The following ABHD12 variants were observed in gnomAD, a reference collection of about 807,000 sequenced individuals.
ABHD12 encodes the protein abhydrolase domain containing 12, lysophospholipase.
A neutral mutation model predicts 58.3 loss-of-function variants in ABHD12; 43 were observed. The ratio of observed to expected loss-of-function variants is 0.74; its 90% CI spans 0.58 to 0.95. The LOEUF (loss-of-function observed/expected upper bound fraction) is 0.95. Ranked by LOEUF, ABHD12 falls within the 40% of genes least tolerant of loss-of-function variation. The probability of loss-of-function intolerance (pLI) is 0.00; values close to 1 mark genes in which losing one functional copy is unlikely to be tolerated. For missense variants in ABHD12, 539 were observed against 537.2 expected (o/e 1.00, Z -0.03); for synonymous variants, 219 against 211.2 (o/e 1.04, Z -0.32).
At position 25,309,241 on chromosome 20, in the gene ABHD12, G is replaced by A. The variant is rs111938438; in HGVS notation, c.749+205C>T. 0.021 allele frequency among the ~76,000 whole-genome samples: 3,169 copies of A among 152,272 alleles called. 101 individuals carry two copies. Among genetic ancestry groups the A allele is most frequent in the African/African-American group, 0.072 (2,971 of 41,542 alleles). ...CCTCCACTGCCTATGTCTGTCCTGA[G>A]CCACTTCCTGGACGAGGAGCTCAGA... is the stretch of plus-strand genomic sequence containing the variant. On this transcript the variant is annotated intron_variant, in intron 7 of 12. Coordinates refer to ENST00000339157, the MANE Select transcript of ABHD12 (RefSeq NM_001042472.3).
intron 1 of ABHD12, among the ~76,000 whole-genome samples, chr20:25,346,392 A>G (rs1234758571): frequency 6.6e-5 from 10 of 152,256 alleles, no homozygotes; most frequent in Admixed American, 6.5e-4. Flanking sequence ...TACAATGGTA[A>G]ATAAGTATTA....
intron 1 of ABHD12, among the ~76,000 whole-genome samples, chr20:25,359,196 T>C (rs1057002943): frequency 6.8e-6 from 1 of 147,656 alleles, no homozygotes; most frequent in Non-Finnish European, 1.5e-5. Context: ...CCGAGGCGGG[T>C]GGATCACGAG....
At chr20:25,312,981 C>T (rs1163336329) in intron 6 of ABHD12, among the ~76,000 whole-genome samples, 5 of 150,460 alleles carry the variant, frequency 3.3e-5, no homozygotes, top group Admixed American at 6.6e-5. Flanking sequence ...AGCCCCCGAC[C>T]GGCCAGCCAC....
At chr20:25,383,730 C>T (rs537202517) in intron 1 of ABHD12, among the ~76,000 whole-genome samples, 3 of 152,086 alleles carry the variant, frequency 2.0e-5, no homozygotes, top group Non-Finnish European at 2.9e-5. Context: ...CCAAGGTGGG[C>T]GGATCATGAG....
At chr20:25,374,746 C>T (rs1034786952) in intron 1 of ABHD12, among the ~76,000 whole-genome samples, 5 of 152,052 alleles carry the variant, frequency 3.3e-5, no homozygotes, top group African/African-American at 4.8e-5. Context: ...GTGATCCTCC[C>T]GCCTCGGCCT....
chr20:25,381,117 C>T (rs930931020), intron 1 of ABHD12, among the ~76,000 whole-genome samples: 5 of 152,298 alleles, frequency 3.3e-5, no homozygotes, highest in South Asian at 4.1e-4. Context: ...GCAGTCTGTG[C>T]TTGTCACACA....
intron 5 of ABHD12, among the ~76,000 whole-genome samples, chr20:25,315,987 G>C (rs1486403706): frequency 6.6e-6 from 1 of 152,144 alleles, no homozygotes; most frequent in African/African-American, 2.4e-5. Context: ...AAGCAACCAA[G>C]CACAAGTGAA....
intron 1 of ABHD12, among the ~76,000 whole-genome samples, chr20:25,355,354 A>G (rs1470946198): frequency 6.6e-6 from 1 of 152,206 alleles, no homozygotes; most frequent in African/African-American, 2.4e-5. Flanking sequence ...TATAGAAAAA[A>G]AAAGCTGAGC....
At chr20:25,295,368 T>G (rs2088525124), downstream of ABHD12, among the ~76,000 whole-genome samples, 1 of 152,252 alleles carries the variant, frequency 6.6e-6, no homozygotes, top group Admixed American at 6.5e-5. Flanking sequence ...GAGTGTTGGG[T>G]TGAAATAAGG....
chr20:25,327,211 A>AT (rs2089191356), intron 2 of ABHD12, among the ~76,000 whole-genome samples: 2 of 152,318 alleles, frequency 1.3e-5, no homozygotes, highest in South Asian at 2.1e-4. Flanking sequence ...GCGCATGCCT[A>AT]TAATCCCAGC....
At chr20:25,386,255 TTTTC>T (rs1157008744) in intron 1 of ABHD12, among the ~76,000 whole-genome samples, 11 of 148,876 alleles carry the variant, frequency 7.4e-5, no homozygotes, top group Non-Finnish European at 1.5e-4. Context: ...TAAAATTTCT[TTTTC>T]TTTCTTTTTT....
intron 1 of ABHD12, among the ~76,000 whole-genome samples, chr20:25,348,673 A>G (rs6083809): frequency 0.54 from 82,061 of 151,714 alleles, 22,762 homozygotes; most frequent in Admixed American, 0.61. Context: ...AATTGTGCGG[A>G]AAAAAACTAA....
intron 8 of ABHD12, 137 bp from the exon 9 acceptor site, chr20:25,308,182 CAGAT>C (rs1161765563): frequency 6.5e-5 from 50 of 770,940 alleles, no homozygotes; most frequent in Middle Eastern, 3.4e-4. Context: ...CGGCAGGCCT[CAGAT>C]AGCACCAGGG....
At chr20:25,384,485 C>T (rs926943511) in intron 1 of ABHD12, among the ~76,000 whole-genome samples, 9 of 151,778 alleles carry the variant, frequency 5.9e-5, no homozygotes, top group African/African-American at 1.9e-4. Flanking sequence ...TGGCTCATGC[C>T]TGTAATCCCA....
chr20:25,349,586 T>G (rs1248716231), intron 1 of ABHD12, among the ~76,000 whole-genome samples: 1 of 152,218 alleles, frequency 6.6e-6, no homozygotes, highest in Non-Finnish European at 1.5e-5. Context: ...GAAATTTGGA[T>G]GCATGCTACA....
intron 1 of ABHD12, among the ~76,000 whole-genome samples, chr20:25,361,492 A>T (rs757076908): frequency 6.6e-6 from 1 of 151,996 alleles, no homozygotes; most frequent in Non-Finnish European, 1.5e-5. Context: ...GACATGCGCC[A>T]CCTCGCCTAG....
chr20:25,312,718 C>G (rs564263828), intron 6 of ABHD12, among the ~76,000 whole-genome samples: 6 of 151,684 alleles, frequency 4.0e-5, no homozygotes, highest in African/African-American at 1.5e-4. Flanking sequence ...GGCCGCCATC[C>G]CATCTAGGAA....
At chr20:25,389,803 C>G (rs1047665810) in intron 1 of ABHD12, 1 of 152,328 alleles carries the variant, frequency 6.6e-6, no homozygotes, top group Non-Finnish European at 1.5e-5. Flanking sequence ...GAGCGAAGGG[C>G]AGGTTTCCCT....
intron 2 of ABHD12, among the ~76,000 whole-genome samples, chr20:25,337,010 C>G (rs2089382705): frequency 6.6e-6 from 1 of 152,208 alleles, no homozygotes; most frequent in Non-Finnish European, 1.5e-5. Context: ...GCCTGTAATC[C>G]CAGCACGTTG....
Sources: gnomAD v4.1 joint callset for allele counts (sites outside exome capture counted in the v4.1 genomes callset) on GRCh38, gnomAD v4.1.1 for gene constraint, MANE v1.5 for transcripts, NCBI Gene and HGNC (gene_info 2026-07-23, HGNC 2026-07-21) for gene names.